Variants in UNC13A observed in about 807,000 individuals in gnomAD.
UNC13A encodes the protein unc-13 homolog A, also known as protein unc-13 homolog A.
A neutral mutation model predicts 219.7 loss-of-function variants in UNC13A; 61 were observed. That is an observed-to-expected ratio of 0.28 (90% CI 0.23 to 0.34). The LOEUF (loss-of-function observed/expected upper bound fraction) is 0.34, where lower values mean the gene tolerates loss of function less well. Ranked by LOEUF, UNC13A falls within the 10% of genes least tolerant of loss-of-function variation. The pLI, the probability that UNC13A is intolerant of heterozygous loss-of-function variation, is 1.00. For missense variants in UNC13A, 1,476 were observed against 2,270.3 expected (o/e 0.65, Z 7.11); for synonymous variants, 920 against 884.6 (o/e 1.04, Z -0.71).
chr19:17,647,612 G>T lies in UNC13A; in HGVS notation c.1817-120C>A, dbSNP rs111454313. 6.8e-4 allele frequency: 629 copies of T among 925,360 alleles called. 3 individuals are homozygous for T. The African/African-American group carries it at 9.9e-3, about 15-fold the overall frequency. The allele number at this position is 925,360 out of a possible 1,614,324, so 57.3% of individuals were successfully genotyped here. On this transcript the variant is annotated intron_variant, in intron 16 of 43. Coordinates refer to ENST00000519716, the MANE Select transcript of UNC13A (RefSeq NM_001080421.3). ...GACTCAGGTGTCACCCCCTGAAGCC[G>T]GTTTCCTACCTGCTTTCTGTACCCC... is the stretch of plus-strand genomic sequence containing the variant.
intron 7 of UNC13A, among the ~76,000 whole-genome samples, chr19:17,666,112 TTC>T (rs367734869): frequency 0.69 from 87,220 of 126,754 alleles, 29,370 homozygotes; most frequent in Middle Eastern, 0.84. Flanking sequence ...TTCTTTTCTT[TTC>T]TCTTTTCTTT....
rs966500532 is a variant in UNC13A at position 17,655,335 on chromosome 19, A to G, written c.1331T>C (p.Met444Thr). 12 of 1,592,402 alleles carry G rather than the reference A, an allele frequency of 7.5e-6. No homozygotes were observed. The Admixed American group carries it at 1.1e-4, about 14-fold the overall frequency. ...CAGCCAGTTGGCCTTGGCCCTGGAC[A>G]TGGAGTCCTGCCCCTCCTGGCCTTC... Reference protein sequence around the residue: ...DEEGQEGQDSMSRAKANWLRA... With the variant: ...DEEGQEGQDSTSRAKANWLRA... The change falls in exon 11 of 44, where the codon ATG becomes ACG. Residue 444 changes from methionine to threonine, a missense_variant. Transcript: ENST00000519716.
intron 17 of UNC13A, 68 bp from the exon 18 acceptor site, chr19:17,646,179 C>T (rs1425878613): frequency 1.9e-6 from 3 of 1,590,652 alleles, no homozygotes; most frequent in Admixed American, 1.7e-5. Flanking sequence ...ACAGTCACTG[C>T]CACACGCTGC....
At chr19:17,672,209 T>C (rs980750876) in intron 4 of UNC13A, among the ~76,000 whole-genome samples, 169 bp downstream of exon 4, 1 of 152,136 alleles carries the variant, frequency 6.6e-6, no homozygotes, top group African/African-American at 2.4e-5. Flanking sequence ...CAGAGCAAGA[T>C]GGAAGGTGTA....
intron 15 of UNC13A, 38 bp from the exon 16 acceptor site, chr19:17,648,688 A>G (rs1489196728): frequency 1.3e-6 from 2 of 1,582,240 alleles, no homozygotes; most frequent in Admixed American, 1.7e-5. Flanking sequence ...GGGGCGCCTA[A>G]CCTGGCGCTG....
intron 1 of UNC13A, among the ~76,000 whole-genome samples, chr19:17,685,868 G>A (rs28508201): frequency 6.6e-6 from 1 of 151,876 alleles, no homozygotes; most frequent in African/African-American, 2.4e-5. Flanking sequence ...CAGGCAACAC[G>A]GCAACCCATC....
Position 17,626,708 on chromosome 19 carries a change from G to A in UNC13A, c.3998C>T (p.Pro1333Leu). The change falls in exon 34 of 44, where the codon CCA (proline) becomes CTA (leucine). Residue 1333 changes from proline (P) to leucine (L), a missense_variant. Transcript: ENST00000519716. The stretch of plus-strand genomic sequence containing the variant: ...GGCCACGCTGCTGCAGGCACTGGCT[G>A]GCACATTGCCTGTGCCCTTAACCTG... Reference protein sequence around the residue: ...LSQVKGTGNVPASACSSVAQD... With the variant: ...LSQVKGTGNVLASACSSVAQD... The A allele has an allele frequency of 6.2e-7, 1 of 1,606,770 alleles. No individual in the cohort carries two copies. The highest frequency in any genetic ancestry group is 8.5e-7 in the Non-Finnish European group (1 of 1,176,838).
At position 17,631,870 on chromosome 19, in the gene UNC13A, G is replaced by A. The variant is rs972739713; in HGVS notation, c.3428+912C>T. ...AGCGATCCTCCTGCTTCGGCCTCCC[G>A]AGTAGCTGGGACTACAGGTGTGTGC... is the stretch of plus-strand genomic sequence containing the variant. On this transcript the variant is annotated intron_variant, in intron 28 of 43. Coordinates refer to ENST00000519716, the MANE Select transcript of UNC13A (RefSeq NM_001080421.3). Among the ~76,000 whole-genome samples the A allele has an allele frequency of 1.1e-4, 16 of 151,808 alleles. No individual in the cohort carries two copies. In the East Asian group the frequency reaches 1.9e-3, roughly 18 times the overall value.
At chr19:17,617,598 C>A in intron 41 of UNC13A, 104 bp downstream of exon 41, 1 of 1,500,974 alleles carries the variant, frequency 6.7e-7, no homozygotes, top group South Asian at 1.2e-5. Flanking sequence ...AATTCCGCCC[C>A]ATCCATGACG....
At chr19:17,634,128 T>A (rs547193500) in intron 26 of UNC13A, among the ~76,000 whole-genome samples, 18 of 152,238 alleles carry the variant, frequency 1.2e-4, no homozygotes, top group Non-Finnish European at 2.1e-4. Flanking sequence ...TGTTCATCCA[T>A]CCATCCGTCC....
chr19:17,654,922 G>T (rs1402056220), intron 11 of UNC13A, among the ~76,000 whole-genome samples: 4 of 152,204 alleles, frequency 2.6e-5, no homozygotes, highest in African/African-American at 9.7e-5. Flanking sequence ...GATGTGTGGG[G>T]CCAGACTTGG....
In UNC13A at chr19:17,629,303, G is replaced by T. The variant is rs780700284; in HGVS notation, c.3690C>A (p.Leu1230=). The T allele has an allele frequency of 1.7e-5, 28 of 1,611,980 alleles. No individual in the cohort carries two copies. In the East Asian group the frequency reaches 6.2e-4, roughly 36 times the overall value. Residue 1230 remains leucine (L), a synonymous_variant, in exon 31 of 44, where the codon CTC becomes CTA. Transcript: ENST00000519716. ...CCTTGGAGATGATGTCTGCATACTG[G>T]AGGAGCACATTACTGATGGTCTGGG... ...RFAKTISNVL[L]QYADIISKDF... is the part of the protein sequence containing the mutation.
At chr19:17,634,362 G>A (rs569054901) in intron 26 of UNC13A, among the ~76,000 whole-genome samples, 57 of 151,714 alleles carry the variant, frequency 3.8e-4, no homozygotes, top group Non-Finnish European at 6.0e-4. Flanking sequence ...ATTTAGAGAC[G>A]GAGTCTCACT....
chr19:17,685,569 C>A (rs774115251), intron 1 of UNC13A, among the ~76,000 whole-genome samples: 45 of 152,296 alleles, frequency 3.0e-4, no homozygotes, highest in Non-Finnish European at 5.6e-4. Context: ...CATCTATATG[C>A]GTGCTGGCAG....
chr19:17,661,666 T>C (rs2079553245), intron 8 of UNC13A, among the ~76,000 whole-genome samples: 1 of 151,124 alleles, frequency 6.6e-6, no homozygotes, highest in African/African-American at 2.4e-5. Context: ...TATACTCCAG[T>C]CTGGGTGACA....
In UNC13A at chr19:17,649,192, G is replaced by C; in HGVS notation, c.1524+147C>G. 1 of 1,335,176 alleles carries C rather than the reference G, an allele frequency of 7.5e-7. No individual in the cohort carries two copies. The highest frequency in any genetic ancestry group is 1.0e-6 in the Non-Finnish European group (1 of 967,984). The allele number at this position is 1,335,176 out of a possible 1,614,324, so 82.7% of individuals were successfully genotyped here. On this transcript the variant is annotated intron_variant, in intron 14 of 43. Coordinates refer to ENST00000519716, the MANE Select transcript of UNC13A (RefSeq NM_001080421.3). This position sits in a 1 kb window ranked among gnomAD's most constrained non-coding sequence, Gnocchi z 4.4. ...AGTTAGAAGGGACCCTGGAAAGTGA[G>C]CAGCCCCGCACCCCTGACTCACAGC...
At chr19:17,672,195 G>C (rs920434562) in intron 4 of UNC13A, among the ~76,000 whole-genome samples, 183 bp downstream of exon 4, 6 of 152,224 alleles carry the variant, frequency 3.9e-5, no homozygotes, top group African/African-American at 1.2e-4. Flanking sequence ...CATGGAGAGA[G>C]AGGCAGAGCA....
chr19:17,676,309 G>A, intron 1 of UNC13A: 1 of 597,688 alleles, frequency 1.7e-6, no homozygotes, highest in South Asian at 1.8e-5. Context: ...AGACAGATGA[G>A]CACAGGCAAC....
chr19:17,653,821 C>CTTTTT (rs57243215), intron 11 of UNC13A, among the ~76,000 whole-genome samples: 8 of 78,244 alleles, frequency 1.0e-4, no homozygotes, highest in Non-Finnish European at 9.4e-5. Flanking sequence ...TATCACTTCT[C>CTTTTT]TTTTTTTTTT....
Sources: gnomAD v4.1 joint callset for allele counts (sites outside exome capture counted in the v4.1 genomes callset) on GRCh38, gnomAD v4.1.1 for gene constraint, Gnocchi (gnomAD v3.1) non-coding constraint, MANE v1.5 for transcripts, NCBI Gene and HGNC (gene_info 2026-07-23, HGNC 2026-07-21) for gene names.